The following MACROD2 variants were observed in gnomAD, a reference collection of about 807,000 sequenced individuals.
MACROD2 encodes the protein mono-ADP ribosylhydrolase 2, also known as ADP-ribose glycohydrolase MACROD2.
MACROD2 carries 36 observed loss-of-function variants against 70.4 expected under a neutral mutation model. The ratio of observed to expected loss-of-function variants is 0.51; its 90% CI spans 0.39 to 0.68. The LOEUF (loss-of-function observed/expected upper bound fraction) is 0.68. Among genes scored for constraint, MACROD2 ranks in the 30% least tolerant of loss-of-function variants. The pLI is 0.00. For missense variants in MACROD2, 496 were observed against 538.4 expected (o/e 0.92, Z 0.78); for synonymous variants, 172 against 178.8 (o/e 0.96, Z 0.30).
intron 6 of MACROD2, among the ~76,000 whole-genome samples, chr20:15,337,866 GT>G (rs1367136739): frequency 6.6e-6 from 1 of 151,694 alleles, no homozygotes; most frequent in Non-Finnish European, 1.5e-5. Context: ...CATTAGGGCT[GT>G]TTAAGCTCAT....
chr20:15,120,261 AGTGTGTGTGT>A (rs34652299), intron 5 of MACROD2, among the ~76,000 whole-genome samples: 4 of 116,178 alleles, frequency 3.4e-5, no homozygotes, highest in Non-Finnish European at 4.9e-5. Context: ...TTTAAGGGGG[AGTGTGTGTGT>A]GTGTGTGTGC....
chr20:15,745,551 C>T (rs978423533), intron 8 of MACROD2, among the ~76,000 whole-genome samples: 1 of 152,112 alleles, frequency 6.6e-6, no homozygotes, highest in South Asian at 2.1e-4. Flanking sequence ...TTCAGTGATT[C>T]CTATGGCTTG....
At chr20:15,934,043 T>C (rs919161423) in intron 11 of MACROD2, among the ~76,000 whole-genome samples, 2 of 152,198 alleles carry the variant, frequency 1.3e-5, no homozygotes, top group Non-Finnish European at 2.9e-5. Flanking sequence ...TACTCAGTCA[T>C]GCTCTCCTTT....
At chr20:15,363,355 G>A (rs1227850146) in intron 6 of MACROD2, among the ~76,000 whole-genome samples, 1 of 152,170 alleles carries the variant, frequency 6.6e-6, no homozygotes, top group African/African-American at 2.4e-5. Context: ...TGAACAATGA[G>A]GGTGAAATAG....
intron 4 of MACROD2, among the ~76,000 whole-genome samples, chr20:14,589,916 CCCTT>C (rs1981648071): frequency 6.6e-5 from 10 of 152,126 alleles, no homozygotes; most frequent in Admixed American, 6.6e-4. Context: ...AACTTACTGA[CCCTT>C]CCATCTGTGA....
intron 8 of MACROD2, among the ~76,000 whole-genome samples, chr20:15,774,170 C>T (rs531286216): frequency 6.6e-6 from 1 of 152,182 alleles, no homozygotes; most frequent in African/African-American, 2.4e-5. Context: ...TTGAAACTTG[C>T]TTTTGGTTTT....
chr20:14,726,944 C>A lies in MACROD2; in HGVS notation c.418+41985C>A, dbSNP rs140175436. On this transcript the variant is annotated intron_variant, in intron 5 of 17. Coordinates refer to ENST00000684519, the MANE Select transcript of MACROD2 (RefSeq NM_001351661.2). ...TCATTTTACCAGAGGTTAAAAAAAACCCTCCCATCAGCAGTCTTATTTATA... is the reference window on the plus strand; with the variant it reads ...TCATTTTACCAGAGGTTAAAAAAAAACCTCCCATCAGCAGTCTTATTTATA... Among the ~76,000 whole-genome samples, 10 of 152,200 alleles carry A rather than the reference C, an allele frequency of 6.6e-5. No individual in the cohort carries two copies. The East Asian group carries it at 1.9e-3, about 29-fold the overall frequency.
intron 5 of MACROD2, among the ~76,000 whole-genome samples, chr20:15,128,505 A>G (rs1447613244): frequency 6.6e-6 from 1 of 152,068 alleles, no homozygotes; most frequent in East Asian, 1.9e-4. Context: ...AATAGAGACA[A>G]CTTTATGAAA....
intron 7 of MACROD2, among the ~76,000 whole-genome samples, chr20:15,482,740 T>C (rs2047114885): frequency 6.6e-6 from 1 of 152,144 alleles, no homozygotes; most frequent in South Asian, 2.1e-4. Flanking sequence ...GTATTGTCAG[T>C]GTTTTGGATC....
At chr20:14,290,061 A>G (rs1454575922) in intron 3 of MACROD2, among the ~76,000 whole-genome samples, 3 of 152,178 alleles carry the variant, frequency 2.0e-5, no homozygotes, top group African/African-American at 7.2e-5. Flanking sequence ...GGTGCTAATC[A>G]TGCACTAAAG....
chr20:15,809,415 T>G (rs2063797308), intron 8 of MACROD2, among the ~76,000 whole-genome samples: 2 of 152,234 alleles, frequency 1.3e-5, no homozygotes. Flanking sequence ...CTCACGGTTC[T>G]GCAGGCTGTA....
intron 8 of MACROD2, among the ~76,000 whole-genome samples, chr20:15,534,662 T>G (rs776105002): frequency 7.2e-5 from 11 of 152,216 alleles, no homozygotes; most frequent in Non-Finnish European, 1.2e-4. Flanking sequence ...CATAAACAGT[T>G]CAACCCCCAA....
intron 5 of MACROD2, among the ~76,000 whole-genome samples, chr20:14,858,500 A>G (rs548346613): frequency 2.8e-4 from 42 of 152,288 alleles, no homozygotes; most frequent in African/African-American, 8.4e-4. Flanking sequence ...ATTGTGAAAA[A>G]CAAAAACAAA....
At chr20:14,245,191 C>T (rs962412885) in intron 3 of MACROD2, among the ~76,000 whole-genome samples, 6 of 151,872 alleles carry the variant, frequency 4.0e-5, no homozygotes, top group Admixed American at 1.3e-4. Flanking sequence ...GGTGAAACCC[C>T]GTCTCTACTA....
At chr20:14,604,376 T>A (rs1982671853) in intron 4 of MACROD2, among the ~76,000 whole-genome samples, 1 of 152,202 alleles carries the variant, frequency 6.6e-6, no homozygotes, top group South Asian at 2.1e-4. Context: ...TATTCACTAT[T>A]GATTTTTTTG....
intron 3 of MACROD2, among the ~76,000 whole-genome samples, chr20:14,133,018 A>G (rs781201969): frequency 1.2e-4 from 18 of 151,726 alleles, no homozygotes; most frequent in East Asian, 3.9e-4. Flanking sequence ...GTGTGTGTGT[A>G]TATGGGACTG....
chr20:15,790,633 A>G (rs1310124784), intron 8 of MACROD2, among the ~76,000 whole-genome samples: 3 of 151,978 alleles, frequency 2.0e-5, no homozygotes, highest in African/African-American at 7.2e-5. Context: ...GAAAAACCAA[A>G]GGAGGAGCCC....
chr20:15,285,997 A>G (rs1410449931), intron 6 of MACROD2, among the ~76,000 whole-genome samples: 2 of 152,118 alleles, frequency 1.3e-5, no homozygotes, highest in Non-Finnish European at 2.9e-5. Context: ...TTCCAGCCCA[A>G]TACCTACCCC....
At chr20:14,694,646 C>T (rs914897798) in intron 5 of MACROD2, among the ~76,000 whole-genome samples, 13 of 152,048 alleles carry the variant, frequency 8.5e-5, no homozygotes, top group African/African-American at 2.9e-4. Context: ...TAATTATGGT[C>T]CCATGAGCTT....
Sources: allele counts gnomAD v4.1 joint callset (sites outside exome capture counted in the v4.1 genomes callset), GRCh38; gene constraint gnomAD v4.1.1; transcripts MANE v1.5; gene names NCBI Gene and HGNC (gene_info 2026-07-23, HGNC 2026-07-21).